The following LYPD6B variants were observed in gnomAD, a reference collection of about 807,000 sequenced individuals.
LYPD6B encodes LY6/PLAUR domain containing 6B.
Under a neutral mutation model 22.8 loss-of-function variants are expected in LYPD6B, and 17 were observed. That is an observed-to-expected ratio of 0.75 (90% CI 0.51 to 1.12). The LOEUF is 1.12. LYPD6B is among the 50% of genes most tolerant of loss of function. LYPD6B has a pLI of 0.00. For synonymous variants in LYPD6B, 106 were observed against 91.6 expected (o/e 1.16, Z -0.90); for missense variants, 221 against 258.3 (o/e 0.86, Z 0.99).
At chr2:149,162,578 G>T (rs113961841) in intron 3 of LYPD6B, among the ~76,000 whole-genome samples, 11 of 152,106 alleles carry the variant, frequency 7.2e-5, no homozygotes, top group African/African-American at 2.4e-4. Flanking sequence ...CTGCATGAAG[G>T]TAGCCAAAAA....
intron 1 of LYPD6B, among the ~76,000 whole-genome samples, chr2:149,100,231 T>C (rs2105481943): frequency 6.6e-6 from 1 of 152,154 alleles, no homozygotes; most frequent in Middle Eastern, 3.4e-3. Context: ...AGAATCCTTC[T>C]TAACTCAGTG....
chr2:149,145,540 CTG>C (rs1688968028), intron 2 of LYPD6B, among the ~76,000 whole-genome samples: 1 of 152,218 alleles, frequency 6.6e-6, no homozygotes, highest in Admixed American at 6.5e-5. Flanking sequence ...AGAACCACAT[CTG>C]TCTCTTCTGC....
intron 3 of LYPD6B, among the ~76,000 whole-genome samples, chr2:149,175,057 C>CTGTGTG (rs1480516583): frequency 1.1e-3 from 136 of 127,462 alleles, no homozygotes; most frequent in African/African-American, 3.5e-3. Flanking sequence ...CTCTCTCTCT[C>CTGTGTG]TCTCTGTGTG....
At chr2:149,084,687 G>A (rs1365972777) in intron 1 of LYPD6B, among the ~76,000 whole-genome samples, 1 of 152,168 alleles carries the variant, frequency 6.6e-6, no homozygotes, top group Non-Finnish European at 1.5e-5. Context: ...AAAAACATGA[G>A]TTCATTCATA....
intron 3 of LYPD6B, among the ~76,000 whole-genome samples, chr2:149,195,577 T>C (rs1453542277): frequency 6.6e-6 from 1 of 152,186 alleles, no homozygotes; most frequent in African/African-American, 2.4e-5. Flanking sequence ...TTTCTTAAAA[T>C]TGGTCTTCAG....
intron 1 of LYPD6B, among the ~76,000 whole-genome samples, chr2:149,087,949 A>T (rs952742638): frequency 3.3e-5 from 5 of 152,172 alleles, no homozygotes; most frequent in African/African-American, 1.2e-4. Context: ...ACTAGGGGGT[A>T]ACGCTCATCT....
At chr2:149,205,147 G>C (rs917923977) in intron 3 of LYPD6B, 106 bp from the exon 4 acceptor site, 6 of 1,174,298 alleles carry the variant, frequency 5.1e-6, no homozygotes, top group Non-Finnish European at 7.2e-6. Flanking sequence ...ACAACAGGTA[G>C]ATGGTTGGAT....
At chr2:149,100,131 A>G (rs552419741) in intron 1 of LYPD6B, among the ~76,000 whole-genome samples, 20 of 152,262 alleles carry the variant, frequency 1.3e-4, no homozygotes, top group African/African-American at 4.6e-4. Flanking sequence ...GGGCTGTGGT[A>G]GAGTACATGA....
intron 1 of LYPD6B, among the ~76,000 whole-genome samples, chr2:149,127,279 T>C (rs527362781): frequency 3.9e-5 from 6 of 152,328 alleles, no homozygotes; most frequent in African/African-American, 1.4e-4. Flanking sequence ...TGAGAAATTA[T>C]TTGTGTGAGC....
At chr2:149,162,619 T>C (rs1690151408) in intron 3 of LYPD6B, among the ~76,000 whole-genome samples, 1 of 152,168 alleles carries the variant, frequency 6.6e-6, no homozygotes, top group African/African-American at 2.4e-5. Context: ...TTCAAGATCG[T>C]TAAAGCATAT....
intron 3 of LYPD6B, among the ~76,000 whole-genome samples, chr2:149,194,893 T>C (rs1575159962): frequency 6.6e-6 from 1 of 152,190 alleles, no homozygotes; most frequent in South Asian, 2.1e-4. Flanking sequence ...GGTGTGATTG[T>C]AGTGTATTTC....
chr2:149,051,412 G>A (rs990584191), intron 1 of LYPD6B, among the ~76,000 whole-genome samples: 8 of 151,732 alleles, frequency 5.3e-5, no homozygotes, highest in East Asian at 3.9e-4. Context: ...TGATCCACCC[G>A]CCTCGGCCTC....
intron 1 of LYPD6B, among the ~76,000 whole-genome samples, chr2:149,108,194 A>G (rs142717394): frequency 7.4e-4 from 113 of 152,284 alleles, no homozygotes; most frequent in Non-Finnish European, 1.2e-3. Context: ...GCTGCCATCT[A>G]TGTAAGACAT....
At chr2:149,197,749 G>A (rs1692903484) in intron 3 of LYPD6B, among the ~76,000 whole-genome samples, 1 of 152,174 alleles carries the variant, frequency 6.6e-6, no homozygotes, top group South Asian at 2.1e-4. Flanking sequence ...TGAGTGCTTC[G>A]TTCATGGAAG....
chr2:149,086,682 T>C (rs1685408803), intron 1 of LYPD6B, among the ~76,000 whole-genome samples: 1 of 152,154 alleles, frequency 6.6e-6, no homozygotes, highest in Admixed American at 6.5e-5. Context: ...CATGGCAAAA[T>C]ATCACAGACC....
chr2:149,052,142 C>A (rs575051212), intron 1 of LYPD6B, among the ~76,000 whole-genome samples: 1 of 151,942 alleles, frequency 6.6e-6, no homozygotes, highest in African/African-American at 2.4e-5. Flanking sequence ...CTGCAACCTC[C>A]GCCTCCTGGG....
At chr2:149,058,974 T>A (rs1683940202) in intron 1 of LYPD6B, among the ~76,000 whole-genome samples, 1 of 152,252 alleles carries the variant, frequency 6.6e-6, no homozygotes, top group African/African-American at 2.4e-5. Flanking sequence ...GATTGAGATC[T>A]GTCTCTTGTA....
chr2:149,121,739 G>T (rs1236576971), intron 1 of LYPD6B, among the ~76,000 whole-genome samples: 4 of 152,146 alleles, frequency 2.6e-5, no homozygotes, highest in East Asian at 1.9e-4. Context: ...ACCTGCCGGG[G>T]CCAGGGCTGT....
chr2:149,197,925 C>T (rs1284633269), intron 3 of LYPD6B, among the ~76,000 whole-genome samples: 2 of 152,124 alleles, frequency 1.3e-5, no homozygotes, highest in Non-Finnish European at 2.9e-5. Flanking sequence ...ATGTGATCAA[C>T]GCACTTATTA....
Sources: allele counts gnomAD v4.1 joint callset (sites outside exome capture counted in the v4.1 genomes callset), GRCh38; gene constraint gnomAD v4.1.1; transcripts MANE v1.5; gene names NCBI Gene and HGNC (gene_info 2026-07-23, HGNC 2026-07-21).